Variants in SUGCT observed in about 807,000 individuals in gnomAD.
The protein encoded by SUGCT is succinyl-CoA:glutarate CoA-transferase.
A neutral mutation model predicts 55.0 loss-of-function variants in SUGCT; 41 were observed. The ratio of observed to expected loss-of-function variants is 0.74; its 90% CI spans 0.58 to 0.97. The LOEUF (loss-of-function observed/expected upper bound fraction) is 0.97. Among genes scored for constraint, SUGCT ranks in the 50% least tolerant of loss-of-function variants. The pLI is 0.00. For missense variants in SUGCT, 568 were observed against 547.8 expected (o/e 1.04, Z -0.37); for synonymous variants, 187 against 200.4 (o/e 0.93, Z 0.56).
intron 13 of SUGCT, among the ~76,000 whole-genome samples, chr7:40,857,318 T>G (rs1794230991): frequency 6.6e-6 from 1 of 152,190 alleles, no homozygotes; most frequent in African/African-American, 2.4e-5. Flanking sequence ...CTATTATTAT[T>G]ATTGCACAGG....
At chr7:40,788,136 G>A (rs1790123477) in intron 13 of SUGCT, among the ~76,000 whole-genome samples, 1 of 152,148 alleles carries the variant, frequency 6.6e-6, no homozygotes, top group Admixed American at 6.5e-5. Flanking sequence ...CCCCTGCCCA[G>A]TAGTATTGAG....
chr7:40,418,064 A>G (rs1787109382), intron 9 of SUGCT, among the ~76,000 whole-genome samples: 1 of 152,150 alleles, frequency 6.6e-6, no homozygotes. Flanking sequence ...ACACAGCCCT[A>G]AATTTTTACA....
chr7:40,671,165 T>C (rs1001142927), intron 12 of SUGCT, among the ~76,000 whole-genome samples: 16 of 152,326 alleles, frequency 1.1e-4, no homozygotes, highest in African/African-American at 3.8e-4. Flanking sequence ...TTGGAGAGAA[T>C]TGGCACTTTT....
intron 8 of SUGCT, among the ~76,000 whole-genome samples, chr7:40,296,838 A>G (rs1794184001): frequency 6.6e-6 from 1 of 151,960 alleles, no homozygotes; most frequent in Non-Finnish European, 1.5e-5. Flanking sequence ...TAACCATCCT[A>G]TATAGGCCTC....
intron 8 of SUGCT, among the ~76,000 whole-genome samples, chr7:40,291,347 C>T (rs1793741845): frequency 6.6e-6 from 1 of 150,986 alleles, no homozygotes. Flanking sequence ...GAGTTCATGT[C>T]CTTTGCAGGG....
At chr7:40,345,342 A>G (rs1363475146) in intron 9 of SUGCT, among the ~76,000 whole-genome samples, 1 of 152,174 alleles carries the variant, frequency 6.6e-6, no homozygotes, top group Non-Finnish European at 1.5e-5. Context: ...TGTCACAAAT[A>G]TTTTTATTCT....
At chr7:40,486,188 A>T (rs1337621376) in intron 11 of SUGCT, among the ~76,000 whole-genome samples, 1 of 152,144 alleles carries the variant, frequency 6.6e-6, no homozygotes, top group Non-Finnish European at 1.5e-5. Context: ...TTGTTTCATT[A>T]TAATTCAATT....
intron 13 of SUGCT, among the ~76,000 whole-genome samples, chr7:40,760,793 G>A (rs1253135323): frequency 2.0e-5 from 3 of 151,540 alleles, no homozygotes; most frequent in Non-Finnish European, 4.4e-5. Context: ...GGAGATCATT[G>A]ACAGGCTGTC....
At chr7:40,248,014 T>TTTTTTTTTTTTTTTTG (rs1562610416) in intron 7 of SUGCT, among the ~76,000 whole-genome samples, 1 of 1,092 alleles carries the variant, frequency 9.2e-4, no homozygotes. Flanking sequence ...TGTTTTTTTG[T>TTTTTTTTTTTTTTTTG]TTTTTTTTTT....
chr7:40,890,090 T>A, the SUGCT span, among the ~76,000 whole-genome samples: 1 of 151,520 alleles, frequency 6.6e-6, no homozygotes, highest in Admixed American at 6.6e-5. Context: ...ATAAAAGTTC[T>A]GTGTGGGTTG....
At chr7:40,644,534 G>A (rs563666277) in intron 12 of SUGCT, among the ~76,000 whole-genome samples, 1 of 152,306 alleles carries the variant, frequency 6.6e-6, no homozygotes, top group South Asian at 2.1e-4. Flanking sequence ...ACTTCCTACA[G>A]CTGTGTTTGT....
the SUGCT span, among the ~76,000 whole-genome samples, chr7:40,891,590 G>A: frequency 6.6e-6 from 1 of 152,152 alleles, no homozygotes; most frequent in Admixed American, 6.5e-5. Flanking sequence ...AAATTAAGGG[G>A]AGACAAAGAC....
At chr7:40,491,971 T>C (rs1791708272) in intron 11 of SUGCT, among the ~76,000 whole-genome samples, 1 of 150,344 alleles carries the variant, frequency 6.7e-6, no homozygotes, top group Non-Finnish European at 1.5e-5. Context: ...GCCTGGGCGA[T>C]AGAGCAAAAC....
At chr7:40,473,794 A>G (rs552800114) in intron 11 of SUGCT, among the ~76,000 whole-genome samples, 13 of 152,322 alleles carry the variant, frequency 8.5e-5, no homozygotes, top group Non-Finnish European at 1.5e-4. Flanking sequence ...ATTATTGCAA[A>G]TGGTCTAGTT....
At chr7:40,299,241 A>G (rs1269884280) in intron 8 of SUGCT, among the ~76,000 whole-genome samples, 1 of 152,176 alleles carries the variant, frequency 6.6e-6, no homozygotes, top group Non-Finnish European at 1.5e-5. Context: ...GACGAAAAAC[A>G]ATAGGAAATG....
the SUGCT span, among the ~76,000 whole-genome samples, chr7:40,923,562 G>C: frequency 6.6e-6 from 1 of 152,098 alleles, no homozygotes; most frequent in African/African-American, 2.4e-5. Context: ...CAGAATTTCT[G>C]GCTTGAGAAT....
chr7:40,159,217 G>A (rs1784034311), intron 1 of SUGCT, among the ~76,000 whole-genome samples: 1 of 152,160 alleles, frequency 6.6e-6, no homozygotes, highest in South Asian at 2.1e-4. Flanking sequence ...ACCACGCCTG[G>A]CCAGATAATT....
At chr7:40,448,232 CCCTCCCTCCCTCCCTT>C (rs1788960029) in intron 9 of SUGCT, among the ~76,000 whole-genome samples, 3 of 137,008 alleles carry the variant, frequency 2.2e-5, no homozygotes, top group African/African-American at 8.1e-5. Context: ...CTCCCTCCCT[CCCTCCCTCCCTCCCTT>C]CCTTCCTTCC....
chr7:40,355,406 T>G (rs1448049533), intron 9 of SUGCT, among the ~76,000 whole-genome samples: 1 of 152,022 alleles, frequency 6.6e-6, no homozygotes, highest in South Asian at 2.1e-4. Flanking sequence ...AACCTGTAGG[T>G]AACCTTTGTA....
Sources: gnomAD v4.1 joint callset for allele counts (sites outside exome capture counted in the v4.1 genomes callset) on GRCh38, gnomAD v4.1.1 for gene constraint, MANE v1.5 for transcripts, NCBI Gene and HGNC (gene_info 2026-07-23, HGNC 2026-07-21) for gene names.